The following BRD1 variants were observed in gnomAD, a reference collection of about 807,000 sequenced individuals.
BRD1 encodes bromodomain-containing protein 1.
Under a neutral mutation model 107.7 loss-of-function variants are expected in BRD1, and 24 were observed. The ratio of observed to expected loss-of-function variants is 0.22; its 90% CI spans 0.16 to 0.31. The LOEUF (loss-of-function observed/expected upper bound fraction) is 0.31. Ranked by LOEUF, BRD1 falls within the 10% of genes least tolerant of loss-of-function variation. The pLI is 1.00. For missense variants in BRD1, 1,279 were observed against 1,638.6 expected (o/e 0.78, Z 3.79); for synonymous variants, 744 against 686.1 (o/e 1.08, Z -1.32).
intron 2 of BRD1, among the ~76,000 whole-genome samples, chr22:49,820,428 G>C (rs1419689087): frequency 6.6e-6 from 1 of 152,016 alleles, no homozygotes; most frequent in Non-Finnish European, 1.5e-5. Context: ...CCCGCCCACG[G>C]CTGCACATCA....
chr22:49,791,044 C>T (rs1311536639), intron 7 of BRD1, among the ~76,000 whole-genome samples: 1 of 152,280 alleles, frequency 6.6e-6, no homozygotes, highest in Non-Finnish European at 1.5e-5. Context: ...ACCTGCCTCA[C>T]CATGTCAGCA....
At chr22:49,798,828 T>C in intron 4 of BRD1, 142 bp from the exon 5 acceptor site, 1 of 1,431,824 alleles carries the variant, frequency 7.0e-7, no homozygotes, top group South Asian at 1.5e-5. Context: ...CACTTAGGGC[T>C]CTGCAACCCA....
Position 49,824,191 on chromosome 22 carries a change from C to A in BRD1, c.127G>T (p.Glu43Ter), listed in dbSNP as rs777684239. The change falls in exon 2 of 13, where the codon GAA becomes TAA. Residue 43 changes from glutamate to a stop codon, truncating the protein, a stop_gained. Coordinates refer to ENST00000404760, the MANE Select transcript of BRD1 (RefSeq NM_001304808.3). LOFTEE classifies it high-confidence loss of function. The surrounding 1 kb of genome is among the most constrained non-coding windows in gnomAD (Gnocchi z 5.9). ...ATCCTGTGCAAGCGCCCTTCAATTT[C>A]TATCTCTACCATCCTTTGAGCTTGA... ...YAQAQRMVEI[E>*]IEGRLHRISI... 6.2e-7 allele frequency: 1 copy of A among 1,614,000 alleles called. No homozygotes were observed.
At position 49,798,783 on chromosome 22, in the gene BRD1, T is replaced by C; in HGVS notation, c.1657-97A>G. ...GCCACAAGCAGCCCCCACAGGCTCC[T>C]GTGCTTCCGTCCAGGCATAGGACAA... On this transcript the variant is annotated intron_variant, in intron 4 of 12. Transcript: ENST00000404760. 6 of 1,456,656 alleles carry C rather than the reference T, an allele frequency of 4.1e-6. No individual in the cohort carries two copies. The South Asian group carries it at 5.7e-5, about 14-fold the overall frequency. The allele number at this position is 1,456,656 out of a possible 1,614,324, so 90.2% of individuals were successfully genotyped here. A position where few individuals can be genotyped will look rare whatever the true frequency, so the allele number is the denominator to read the frequency against.
chr22:49,808,501 T>C (rs1290795910), intron 2 of BRD1, among the ~76,000 whole-genome samples: 1 of 152,248 alleles, frequency 6.6e-6, no homozygotes, highest in East Asian at 1.9e-4. Context: ...AGTAGAACGG[T>C]GAACGCCCGC....
rs1442622656 is a variant in BRD1, at chr22:49,797,873, T to G, written c.2030A>C (p.Glu677Ala). The G allele has an allele frequency of 6.2e-7, 1 of 1,613,422 alleles. No homozygotes were observed. The highest frequency in any genetic ancestry group is 8.5e-7 in the Non-Finnish European group (1 of 1,180,018). ...RREVDSIGLE[E>A]ASGMHLPERP... is the part of the protein sequence containing the mutation. ...CTCAGGCAGGTGCATCCCCGAGGCC[T>G]CTTCCAAGCCGATGCTGTCCACCTC... is the stretch of plus-strand genomic sequence containing the variant. Residue 677 changes from glutamate (E) to alanine (A), a missense_variant, in exon 6 of 13, where the codon GAG (glutamate) becomes GCG (alanine). Physicochemically the swap from Glu to Ala is moderately radical, Grantham distance 107. Transcript: ENST00000404760.
chr22:49,779,238 C>T (rs542633907), intron 8 of BRD1, among the ~76,000 whole-genome samples: 2 of 152,148 alleles, frequency 1.3e-5, no homozygotes, highest in African/African-American at 4.8e-5. Context: ...GGCTGGACTG[C>T]GGGATTTTCC....
At chr22:49,813,337 T>C (rs2059888956) in intron 2 of BRD1, among the ~76,000 whole-genome samples, 1 of 152,052 alleles carries the variant, frequency 6.6e-6, no homozygotes, top group African/African-American at 2.4e-5. Flanking sequence ...TTCTCCTGCC[T>C]CTCAGCCTCC....
intron 8 of BRD1, among the ~76,000 whole-genome samples, chr22:49,785,504 G>C (rs2059306061): frequency 6.6e-6 from 1 of 152,216 alleles, no homozygotes; most frequent in South Asian, 2.1e-4. Flanking sequence ...ATTCATCACA[G>C]AATTTCCGGG....
chr22:49,819,972 A>C (rs990347006), intron 2 of BRD1, among the ~76,000 whole-genome samples: 1 of 151,910 alleles, frequency 6.6e-6, no homozygotes, highest in African/African-American at 2.4e-5. Flanking sequence ...TCTACTAAAA[A>C]TACAAAAATC....
rs1785379787 is a variant in BRD1 at position 49,804,500 on chromosome 22, C to T, written c.1368-140G>A. ...CTAAGCCATGACACCTGTATTTCTA[C>T]TATCCCTAGTGCTGCTAAAACAAAA... On this transcript the variant is annotated intron_variant, in intron 2 of 12. Transcript: ENST00000404760. 3 of 951,246 alleles carry T rather than the reference C, an allele frequency of 3.2e-6. No homozygotes were observed. The African/African-American group carries it at 5.0e-5, about 16-fold the overall frequency. 58.9% of individuals were successfully genotyped at this position (951,246 alleles called of 1,614,324 possible).
chr22:49,794,382 G>C (rs1025069370), intron 6 of BRD1, 88 bp from the exon 7 acceptor site: 2 of 1,513,042 alleles, frequency 1.3e-6, no homozygotes, highest in African/African-American at 2.8e-5. Context: ...AATCACCTTC[G>C]GCCAAGGCCC....
chr22:49,791,424 A>G (rs2059432186), intron 7 of BRD1, among the ~76,000 whole-genome samples: 1 of 152,162 alleles, frequency 6.6e-6, no homozygotes, highest in Admixed American at 6.5e-5. Context: ...CAACACACAG[A>G]CTGTTAAATT....
chr22:49,775,884 C>CT, intron 11 of BRD1, 139 bp from the exon 12 acceptor site: 1 of 1,136,148 alleles, frequency 8.8e-7, no homozygotes, highest in Non-Finnish European at 1.2e-6. Context: ...CCTCGCCGAA[C>CT]CACCCCTGCC....
At chr22:49,786,910 C>G (rs1262052364) in intron 8 of BRD1, among the ~76,000 whole-genome samples, 2 of 137,714 alleles carry the variant, frequency 1.5e-5, no homozygotes, top group African/African-American at 6.3e-5. Context: ...CGGGACAACA[C>G]AGCGAGACCC....
Position 49,777,763 on chromosome 22 carries a change from C to T in BRD1, c.2908G>A (p.Gly970Ser), listed in dbSNP as rs139682438. Residue 970 changes from glycine (G) to serine (S), a missense_variant, in exon 9 of 13, where the codon GGC (glycine) becomes AGC (serine). Transcript: ENST00000404760. The stretch of plus-strand genomic sequence containing the variant: ...CGGGGTGTGGCCTTCCTCCCCAGGC[C>T]GCCGCCCGGCTCCTGCTCGCTCCTC... ...GARSEQEPGGGLGRKATPRRR... is the reference protein window; with the variant it reads ...GARSEQEPGGSLGRKATPRRR... 33 of 1,605,290 alleles carry T rather than the reference C, an allele frequency of 2.1e-5. No individual in the cohort carries two copies. Among genetic ancestry groups the T allele is most frequent in the African/African-American group, 2.7e-5 (2 of 74,824 alleles).
chr22:49,814,051 G>A (rs548854049), intron 2 of BRD1, among the ~76,000 whole-genome samples: 57 of 152,204 alleles, frequency 3.7e-4, no homozygotes, highest in East Asian at 2.1e-3. Context: ...ACGGGTGCAC[G>A]AACGGAATTC....
At chr22:49,777,274 C>A in intron 9 of BRD1, 113 bp from the exon 10 acceptor site, 1 of 1,508,936 alleles carries the variant, frequency 6.6e-7, no homozygotes, top group Non-Finnish European at 9.0e-7. Context: ...CTGCCTGACA[C>A]CCCCGCGGCC....
At chr22:49,816,461 G>C (rs1315671218) in intron 2 of BRD1, among the ~76,000 whole-genome samples, 1 of 152,194 alleles carries the variant, frequency 6.6e-6, no homozygotes, top group Non-Finnish European at 1.5e-5. Flanking sequence ...CACCCTCTGA[G>C]GACGGCTGTG....
Sources: gnomAD v4.1 joint callset for allele counts (sites outside exome capture counted in the v4.1 genomes callset) on GRCh38, gnomAD v4.1.1 for gene constraint, Gnocchi (gnomAD v3.1) non-coding constraint, MANE v1.5 for transcripts, NCBI Gene and HGNC (gene_info 2026-07-23, HGNC 2026-07-21) for gene names.